Variants in NTM observed in about 807,000 individuals in gnomAD.
The protein encoded by NTM is neurotrimin.
In NTM, 13 loss-of-function variants were observed where a neutral mutation model predicts 42.1. The ratio of observed to expected loss-of-function variants is 0.31; its 90% CI spans 0.20 to 0.49. NTM has a LOEUF of 0.49. NTM is among the 20% of genes least tolerant of loss of function. The pLI, the probability that NTM is intolerant of heterozygous loss-of-function variation, is 0.99. For synonymous variants in NTM, 187 were observed against 179.2 expected, an observed-to-expected ratio of 1.04 and a Z score of -0.35; for missense variants, 373 against 452.8, an observed-to-expected ratio of 0.82 and a Z score of 1.60.
In NTM at chr11:132,083,180, G is replaced by A. The variant is rs112812950; in HGVS notation, c.168-63102G>A. Among the ~76,000 whole-genome samples the A allele has an allele frequency of 3.5e-3, 537 of 152,286 alleles. 6 individuals are homozygous for A. The highest frequency in any genetic ancestry group is 0.012 in the African/African-American group (496 of 41,548). The stretch of plus-strand genomic sequence containing the variant: ...CAGCCAGACATCACTGTTTACTTCA[G>A]AGGAATGAGCAGGATTAGTTTAAAA... On this transcript the variant is annotated intron_variant, in intron 2 of 8. Coordinates refer to ENST00000683400, the MANE Select transcript of NTM (RefSeq NM_001352005.2).
At chr11:132,323,496 T>G (rs2095614880) in intron 7 of NTM, among the ~76,000 whole-genome samples, 2 of 151,568 alleles carry the variant, frequency 1.3e-5, no homozygotes, top group African/African-American at 4.9e-5. Flanking sequence ...AATCTCTGAA[T>G]AGACCAATAA....
intron 1 of NTM, among the ~76,000 whole-genome samples, chr11:131,422,728 T>A (rs576265065): frequency 1.3e-5 from 2 of 152,348 alleles, no homozygotes; most frequent in South Asian, 4.1e-4. Flanking sequence ...GACGTCAGCA[T>A]GCAGGAAGTC....
intron 1 of NTM, among the ~76,000 whole-genome samples, chr11:131,617,560 C>G (rs1250310979): frequency 6.6e-6 from 1 of 152,052 alleles, no homozygotes; most frequent in Non-Finnish European, 1.5e-5. Flanking sequence ...AGCGTGTGCT[C>G]AAGGCTGGTG....
chr11:132,142,645 C>T (rs983437815), intron 2 of NTM, among the ~76,000 whole-genome samples: 13 of 152,130 alleles, frequency 8.5e-5, no homozygotes, highest in African/African-American at 2.4e-4. Flanking sequence ...GCATTCATTC[C>T]GTGGGGATTC....
At chr11:131,510,111 A>G (rs2048037694) in intron 1 of NTM, among the ~76,000 whole-genome samples, 2 of 152,198 alleles carry the variant, frequency 1.3e-5, no homozygotes, top group South Asian at 4.1e-4. Context: ...CCGCATAGCC[A>G]TCATCAGGTT....
intron 1 of NTM, among the ~76,000 whole-genome samples, chr11:131,428,197 A>G (rs530348636): frequency 2.4e-4 from 36 of 152,292 alleles, no homozygotes; most frequent in African/African-American, 8.4e-4. Context: ...GATCGATAGC[A>G]TCTCAACCAC....
chr11:131,459,253 G>GC (rs1206852283), intron 1 of NTM, among the ~76,000 whole-genome samples: 1 of 152,210 alleles, frequency 6.6e-6, no homozygotes, highest in African/African-American at 2.4e-5. Context: ...ATAAACAGGT[G>GC]CCCATTGTCC....
At chr11:131,372,136 A>G (rs1941297421) in intron 1 of NTM, among the ~76,000 whole-genome samples, 1 of 152,164 alleles carries the variant, frequency 6.6e-6, no homozygotes, top group Non-Finnish European at 1.5e-5. Flanking sequence ...CAGTGGCTGC[A>G]GTGTGGATCC....
intron 2 of NTM, among the ~76,000 whole-genome samples, chr11:132,018,252 C>T (rs2073763141): frequency 6.6e-6 from 1 of 151,660 alleles, no homozygotes; most frequent in African/African-American, 2.4e-5. Context: ...TGGGTAGAAC[C>T]TCTAATACAG....
intron 1 of NTM, among the ~76,000 whole-genome samples, chr11:131,714,022 A>G (rs1203375264): frequency 2.0e-5 from 3 of 152,114 alleles, no homozygotes; most frequent in African/African-American, 7.2e-5. Context: ...AGTTTTGCAC[A>G]TGCTCACTTG....
chr11:131,912,034 C>T (rs941359715), intron 2 of NTM, among the ~76,000 whole-genome samples: 2 of 152,180 alleles, frequency 1.3e-5, no homozygotes, highest in African/African-American at 4.8e-5. Flanking sequence ...AGTTAATGAG[C>T]CCCAAAGGAG....
intron 2 of NTM, among the ~76,000 whole-genome samples, chr11:131,995,059 C>G (rs1399092485): frequency 6.6e-6 from 1 of 152,168 alleles, no homozygotes; most frequent in Non-Finnish European, 1.5e-5. Context: ...GCCAGACTGC[C>G]TGCCTTAGAT....
chr11:132,090,911 C>T (rs935488665), intron 2 of NTM, among the ~76,000 whole-genome samples: 7 of 152,162 alleles, frequency 4.6e-5, no homozygotes, highest in African/African-American at 1.4e-4. Flanking sequence ...GATCTCTCAC[C>T]TCACCCAGAC....
At chr11:132,213,765 C>T (rs1400551002) in intron 4 of NTM, among the ~76,000 whole-genome samples, 2 of 50,950 alleles carry the variant, frequency 3.9e-5, no homozygotes, top group African/African-American at 6.3e-5. Context: ...GACGGAGTCT[C>T]GCTCTGTCGC....
At chr11:131,636,908 A>C (rs2064472124) in intron 1 of NTM, among the ~76,000 whole-genome samples, 1 of 152,154 alleles carries the variant, frequency 6.6e-6, no homozygotes, top group Admixed American at 6.5e-5. Context: ...TTTGAGCAGC[A>C]GTGGACTTTA....
intron 2 of NTM, among the ~76,000 whole-genome samples, chr11:132,059,394 G>GCTT (rs1192290737): frequency 6.6e-6 from 1 of 152,228 alleles, no homozygotes; most frequent in African/African-American, 2.4e-5. Flanking sequence ...AAGTAACAGT[G>GCTT]CTTCAGGTGT....
At chr11:131,875,955 G>C (rs560422808) in intron 1 of NTM, among the ~76,000 whole-genome samples, 1 of 152,368 alleles carries the variant, frequency 6.6e-6, no homozygotes, top group South Asian at 2.1e-4. Flanking sequence ...CCAGGCTGAG[G>C]AGGGGCCCAG....
chr11:131,796,277 G>C, intron 1 of NTM: 1 of 625,568 alleles, frequency 1.6e-6, no homozygotes, highest in Non-Finnish European at 2.0e-6. Flanking sequence ...AGTAGAGGCT[G>C]CTGCCTGCCT....
intron 1 of NTM, among the ~76,000 whole-genome samples, chr11:131,711,790 A>T (rs1322267191): frequency 6.6e-6 from 1 of 152,028 alleles, no homozygotes; most frequent in Non-Finnish European, 1.5e-5. Context: ...ACCATGGAAT[A>T]CTATGCAGCC....
Sources: allele counts gnomAD v4.1 joint callset (sites outside exome capture counted in the v4.1 genomes callset), GRCh38; gene constraint gnomAD v4.1.1; transcripts MANE v1.5; gene names NCBI Gene and HGNC (gene_info 2026-07-23, HGNC 2026-07-21).